The following FAM178B variants were observed in gnomAD, a reference collection of about 807,000 sequenced individuals.
FAM178B encodes protein FAM178B.
In FAM178B, 82 loss-of-function variants were observed where a neutral mutation model predicts 91.7. The observed-to-expected ratio is 0.89, with a 90% CI of 0.75 to 1.07. The LOEUF (loss-of-function observed/expected upper bound fraction) is 1.07, where lower values mean the gene tolerates loss of function less well. Ranked by LOEUF, FAM178B falls within the 50% of genes least tolerant of loss-of-function variation. FAM178B has a pLI of 0.00. For missense variants in FAM178B, 769 were observed against 846.7 expected, an observed-to-expected ratio of 0.91 and a Z score of 1.14; for synonymous variants, 368 against 359.4, an observed-to-expected ratio of 1.02 and a Z score of -0.27.
intron 12 of FAM178B, among the ~76,000 whole-genome samples, chr2:96,906,359 G>A (rs2081055866): frequency 6.6e-6 from 1 of 151,910 alleles, no homozygotes; most frequent in African/African-American, 2.4e-5. Context: ...GTACCACCAA[G>A]CCCGACCGAA....
chr2:96,936,242 C>T (rs1035262586), intron 8 of FAM178B, among the ~76,000 whole-genome samples: 3 of 152,044 alleles, frequency 2.0e-5, no homozygotes, highest in African/African-American at 7.2e-5. Context: ...CGCTCTGTTG[C>T]CCAGGCTGGG....
Position 96,894,633 on chromosome 2 carries a change from G to A in FAM178B, c.1651-582C>T, listed in dbSNP as rs1295009233. Among the ~76,000 whole-genome samples the A allele has an allele frequency of 2.7e-4, 8 of 29,554 alleles. 1 individual carries two copies. Among genetic ancestry groups the A allele is most frequent in the African/African-American group, 4.6e-4 (3 of 6,514 alleles). 19.4% of individuals were successfully genotyped at this position (29,554 alleles called of 152,430 possible). A position where few individuals can be genotyped will look rare whatever the true frequency, so the allele number is the denominator to read the frequency against. On this transcript the variant is annotated intron_variant, in intron 13 of 16. Transcript: ENST00000490605. ...ATACACACCCACTCACCCCCCCACA[G>A]ACCCCCCACCCACAGATCCCCACCC... is the stretch of plus-strand genomic sequence containing the variant.
chr2:96,889,582 G>A (rs1446239728), intron 14 of FAM178B, among the ~76,000 whole-genome samples: 1 of 151,912 alleles, frequency 6.6e-6, no homozygotes, highest in East Asian at 1.9e-4. Flanking sequence ...GAAGGCTGAG[G>A]CAGGAGAATC....
chr2:96,929,294 A>AG lies in FAM178B; in HGVS notation c.1104dup (p.Ser369LeufsTer40), dbSNP rs1408666914. Reference sequence around the variant, plus strand: ...AATGCCTCCCTGACTTCTTGCAGTGAGGGGCACCACAGGTGCTTGTCTTCA... The same window carrying AG: ...AATGCCTCCCTGACTTCTTGCAGTGAGGGGGCACCACAGGTGCTTGTCTTCA... On this transcript the variant is annotated frameshift_variant, in exon 9 of 17. Transcript: ENST00000490605. LOFTEE classifies it high-confidence loss of function. 2 of 1,551,428 alleles carry AG rather than the reference A, an allele frequency of 1.3e-6. No individual in the cohort carries two copies. Among genetic ancestry groups the AG allele is most frequent in the Non-Finnish European group, 1.7e-6 (2 of 1,146,884 alleles).
chr2:96,910,265 A>C (rs1052016646), intron 12 of FAM178B, among the ~76,000 whole-genome samples: 10 of 152,142 alleles, frequency 6.6e-5, no homozygotes, highest in African/African-American at 2.2e-4. Context: ...CTCCGCCTCC[A>C]AAAGTCCCCA....
intron 12 of FAM178B, among the ~76,000 whole-genome samples, chr2:96,913,586 C>G (rs1029399051): frequency 1.3e-5 from 2 of 152,218 alleles, no homozygotes; most frequent in Non-Finnish European, 2.9e-5. Context: ...ATCCCCAGTG[C>G]GCAAGGACCT....
At chr2:96,973,401 T>C (rs888299950) in intron 1 of FAM178B, among the ~76,000 whole-genome samples, 1 of 152,192 alleles carries the variant, frequency 6.6e-6, no homozygotes, top group Non-Finnish European at 1.5e-5. Flanking sequence ...CAGTAGGTAT[T>C]TGTGCATTTT....
intron 14 of FAM178B, among the ~76,000 whole-genome samples, chr2:96,893,585 C>A (rs79724734): frequency 0.03 from 4,620 of 152,120 alleles, 84 homozygotes; most frequent in Middle Eastern, 0.1. Flanking sequence ...CCCATCCCCT[C>A]CCTGGCATCC....
At position 96,971,978 on chromosome 2, in the gene FAM178B, G is replaced by T; in HGVS notation, c.487C>A (p.Pro163Thr). 1 of 1,562,850 alleles carries T rather than the reference G, an allele frequency of 6.4e-7. No homozygotes were observed. The highest frequency in any genetic ancestry group is 8.7e-7 in the Non-Finnish European group (1 of 1,153,700). The change falls in exon 3 of 17, where the codon CCG becomes ACG. Residue 163 changes from proline (P) to threonine (T), a missense_variant. Physicochemically the swap from Pro to Thr is conservative, Grantham distance 38. Transcript: ENST00000490605. ...TCTGGCAAGGCCAGGCCCCTCTTCG[G>T]GTCCAAGTCCAGGTGTTCCTGCTCC... ...ELEQEHLDLD[P>T]KRGLALPEKL...
intron 8 of FAM178B, among the ~76,000 whole-genome samples, chr2:96,936,399 C>T (rs1477082111): frequency 6.6e-6 from 1 of 151,444 alleles, no homozygotes; most frequent in Non-Finnish European, 1.5e-5. Context: ...GACGGGGTTT[C>T]ACCATATTAG....
chr2:96,981,823 T>C (rs1376486448), intron 1 of FAM178B, among the ~76,000 whole-genome samples: 1 of 151,420 alleles, frequency 6.6e-6, no homozygotes, highest in Non-Finnish European at 1.5e-5. Context: ...TCCCAGCACT[T>C]TGGGAGGCTG....
chr2:96,895,294 G>A (rs551556680), intron 13 of FAM178B: 5 of 370,768 alleles, frequency 1.3e-5, no homozygotes, highest in Admixed American at 3.9e-5. Context: ...CAACACCTGT[G>A]TTCAGTTTTC....
intron 3 of FAM178B, among the ~76,000 whole-genome samples, chr2:96,971,606 C>T (rs1423822206): frequency 2.0e-5 from 3 of 152,168 alleles, no homozygotes; most frequent in African/African-American, 7.2e-5. Flanking sequence ...ATAACCCTAA[C>T]CTCAGCCATG....
At chr2:96,878,861 T>G (rs897587232) in intron 14 of FAM178B, among the ~76,000 whole-genome samples, 3 of 152,232 alleles carry the variant, frequency 2.0e-5, no homozygotes, top group African/African-American at 7.2e-5. Flanking sequence ...CACTCTGATC[T>G]CTGCAGTCTC....
intron 13 of FAM178B, chr2:96,895,100 G>A (rs772812699): frequency 2.7e-5 from 35 of 1,289,356 alleles, no homozygotes; most frequent in Non-Finnish European, 3.3e-5. Flanking sequence ...CGCCTGGCCT[G>A]TGTCTTCAGC....
At chr2:96,925,280 GTTTT>G (rs376094372) in intron 9 of FAM178B, among the ~76,000 whole-genome samples, 116 of 152,272 alleles carry the variant, frequency 7.6e-4, no homozygotes, top group Middle Eastern at 3.4e-3. Context: ...GGTTACATGT[GTTTT>G]TTGAGCTGCA....
chr2:96,942,157 G>A (rs567070617), intron 8 of FAM178B, among the ~76,000 whole-genome samples: 3 of 152,198 alleles, frequency 2.0e-5, no homozygotes, highest in Non-Finnish European at 4.4e-5. Flanking sequence ...CCAAAGAAAT[G>A]TAAGACATGT....
intron 6 of FAM178B, among the ~76,000 whole-genome samples, chr2:96,958,354 G>A (rs1041896962): frequency 2.7e-4 from 41 of 152,016 alleles, no homozygotes; most frequent in Non-Finnish European, 8.8e-5. Context: ...ACAGGCGTGA[G>A]CCACCACGTC....
chr2:96,963,098 G>A (rs974679790), intron 5 of FAM178B, among the ~76,000 whole-genome samples: 1 of 152,226 alleles, frequency 6.6e-6, no homozygotes, highest in African/African-American at 2.4e-5. Context: ...TGTTTTCAAA[G>A]CCAGGACTAC....
Sources: allele counts gnomAD v4.1 joint callset (sites outside exome capture counted in the v4.1 genomes callset), GRCh38; gene constraint gnomAD v4.1.1; transcripts MANE v1.5; gene names NCBI Gene and HGNC (gene_info 2026-07-23, HGNC 2026-07-21).